TAB2: variants seen among roughly 807,000 people sequenced by gnomAD.
The protein encoded by TAB2 is TGF-beta-activated kinase 1 and MAP3K7-binding protein 2.
Under a neutral mutation model 65.0 loss-of-function variants are expected in TAB2, and 3 were observed. The ratio of observed to expected loss-of-function variants is 0.05; its 90% confidence interval spans 0.02 to 0.12. The LOEUF (loss-of-function observed/expected upper bound fraction) is 0.12. TAB2 is among the 10% of genes least tolerant of loss of function. TAB2 has a pLI of 1.00. For synonymous variants in TAB2, 298 were observed against 285.1 expected, an observed-to-expected ratio of 1.05 and a Z score of -0.46; for missense variants, 623 against 840.3, an observed-to-expected ratio of 0.74 and a Z score of 3.20.
At position 149,274,867 on chromosome 6, in the gene TAB2, G is replaced by A. The variant is rs188617552; in HGVS notation, c.-121+56091G>A. On this transcript the variant is annotated intron_variant, in intron 1 of 1. Coordinates refer to the TAB2 transcript ENST00000606202. ...AACCGAAGAAGACCACATGGGCTAC[G>A]ACTATAGGCATCTCTGCAGTAACCA... Among the ~76,000 whole-genome samples, 272 of 152,222 alleles carry A rather than the reference G, an allele frequency of 1.8e-3. 1 individual carries two copies. Among genetic ancestry groups the A allele is most frequent in the Admixed American group, 3.8e-3 (58 of 15,282 alleles).
chr6:149,278,613 T>G (rs6903389), intron 1 of TAB2, among the ~76,000 whole-genome samples: 79,646 of 151,966 alleles, frequency 0.52, 23,219 homozygotes, highest in African/African-American at 0.79. Context: ...AAGAGGGGAG[T>G]TACTTAAGGT....
At chr6:149,274,803 T>G (rs1778424813) in intron 1 of TAB2, among the ~76,000 whole-genome samples, 1 of 152,142 alleles carries the variant, frequency 6.6e-6, no homozygotes, top group Admixed American at 6.5e-5. Flanking sequence ...CTGGACCCTC[T>G]TCTCACCCCA....
chr6:149,387,381 G>A (rs1237918499), intron 3 of TAB2, among the ~76,000 whole-genome samples: 2 of 152,122 alleles, frequency 1.3e-5, no homozygotes, highest in Non-Finnish European at 2.9e-5. Context: ...TCTCCTCATT[G>A]AGTGATTTTG....
intron 1 of TAB2, among the ~76,000 whole-genome samples, chr6:149,351,435 C>T (rs1275674211): frequency 1.3e-5 from 2 of 152,156 alleles, no homozygotes; most frequent in African/African-American, 4.8e-5. Flanking sequence ...GTAGGCAGGA[C>T]AGATATAATG....
At chr6:149,376,046 T>G (rs1420885353) in intron 2 of TAB2, among the ~76,000 whole-genome samples, 2 of 152,212 alleles carry the variant, frequency 1.3e-5, no homozygotes, top group East Asian at 3.8e-4. Context: ...ACTTGGTTAT[T>G]CATCTTTCTT....
At chr6:149,397,578 C>T (rs1210293563) in intron 3 of TAB2, 26 bp from the exon 4 acceptor site, 2 of 1,613,426 alleles carry the variant, frequency 1.2e-6, no homozygotes, top group East Asian at 2.2e-5. Context: ...TGGGTGGGTC[C>T]TCATGTTTAC....
rs1777123939 is a variant in TAB2 at position 149,220,663 on chromosome 6, G to A, written c.-121+1887G>A. The A allele has an allele frequency of 2.0e-5, 3 of 152,294 alleles. No individual in the cohort carries two copies. The South Asian group carries it at 6.2e-4, about 32-fold the overall frequency. The allele number at this position is 152,294 out of a possible 1,614,324, so 9.4% of individuals were successfully genotyped here. A position where few individuals can be genotyped will look rare whatever the true frequency, so the allele number is the denominator to read the frequency against. Reference sequence around the variant, plus strand: ...GACAGAGTCTTGCTCTGTCGCCTAGGCTGGAGTGCAGTGGCGCAATCTTGG... The same window carrying A: ...GACAGAGTCTTGCTCTGTCGCCTAGACTGGAGTGCAGTGGCGCAATCTTGG... On this transcript the variant is annotated intron_variant, in intron 1 of 1. Transcript: ENST00000606202.
chr6:149,319,425 T>A (rs1490529395), intron 1 of TAB2, among the ~76,000 whole-genome samples: 1 of 152,254 alleles, frequency 6.6e-6, no homozygotes, highest in African/African-American at 2.4e-5. Flanking sequence ...CTTGCTTTTC[T>A]TTTGTTGTAG....
At chr6:149,298,053 T>G (rs986212299) in intron 1 of TAB2, among the ~76,000 whole-genome samples, 2 of 152,152 alleles carry the variant, frequency 1.3e-5, no homozygotes, top group South Asian at 2.1e-4. Flanking sequence ...CTGTTTTGCC[T>G]AAAAAGTAGA....
At chr6:149,361,851 A>T (rs1780863053) in intron 1 of TAB2, among the ~76,000 whole-genome samples, 1 of 152,140 alleles carries the variant, frequency 6.6e-6, no homozygotes, top group African/African-American at 2.4e-5. Context: ...CTAAATCATC[A>T]CTCTTAAGTT....
intron 1 of TAB2, among the ~76,000 whole-genome samples, chr6:149,240,154 T>C (rs1401029782): frequency 2.0e-5 from 3 of 152,180 alleles, no homozygotes; most frequent in Admixed American, 6.5e-5. Context: ...AACTACATCT[T>C]ATAGAAGATT....
At chr6:149,351,370 G>T (rs1780484598) in intron 1 of TAB2, among the ~76,000 whole-genome samples, 1 of 152,150 alleles carries the variant, frequency 6.6e-6, no homozygotes, top group African/African-American at 2.4e-5. Context: ...CTTCGTGGAA[G>T]TTCATGATAT....
chr6:149,236,343 G>A (rs576485423), intron 1 of TAB2, among the ~76,000 whole-genome samples: 1 of 152,240 alleles, frequency 6.6e-6, no homozygotes, highest in Non-Finnish European at 1.5e-5. Flanking sequence ...GTTGGCTGAA[G>A]CTTCTATATC....
At chr6:149,280,868 G>A (rs1778560030) in intron 1 of TAB2, among the ~76,000 whole-genome samples, 1 of 149,922 alleles carries the variant, frequency 6.7e-6, no homozygotes, top group South Asian at 2.1e-4. Context: ...GGAGACCAAG[G>A]CTGCAGTGAG....
chr6:149,306,052 AAAG>A (rs1252401132), intron 1 of TAB2, among the ~76,000 whole-genome samples: 1 of 152,206 alleles, frequency 6.6e-6, no homozygotes, highest in Non-Finnish European at 1.5e-5. Flanking sequence ...AGATGAAGGG[AAAG>A]AAGTGGGTGG....
At chr6:149,398,979 A>G in intron 5 of TAB2, 125 bp from the exon 6 acceptor site, 8 of 795,948 alleles carry the variant, frequency 1.0e-5, no homozygotes, top group Non-Finnish European at 1.7e-5. Context: ...TCGAGGTTAG[A>G]GGGGCAAAAT....
chr6:149,356,639 A>C (rs1045800942), intron 1 of TAB2, among the ~76,000 whole-genome samples: 3 of 152,132 alleles, frequency 2.0e-5, no homozygotes, highest in African/African-American at 4.8e-5. Flanking sequence ...TAGGTTCCAC[A>C]CTCAAACCTG....
chr6:149,400,558 A>G (rs1450460015), intron 6 of TAB2: 2 of 1,614,148 alleles, frequency 1.2e-6, no homozygotes, highest in Non-Finnish European at 1.7e-6. Flanking sequence ...TTGTCAGTGA[A>G]GCAGATCAGA....
intron 1 of TAB2, among the ~76,000 whole-genome samples, chr6:149,275,300 GA>G (rs1778449946): frequency 7.8e-6 from 1 of 128,302 alleles, no homozygotes; most frequent in East Asian, 2.4e-4. Context: ...AAGAAAGAAA[GA>G]GAAAAAAGAA....
Sources: allele counts gnomAD v4.1 joint callset (sites outside exome capture counted in the v4.1 genomes callset), GRCh38; gene constraint gnomAD v4.1.1; transcripts MANE v1.5; gene names NCBI Gene and HGNC (gene_info 2026-07-23, HGNC 2026-07-21).